Variants in OIT3 observed in about 807,000 individuals in gnomAD.
OIT3 encodes oncoprotein-induced transcript 3 protein.
Under a neutral mutation model 52.2 loss-of-function variants are expected in OIT3, and 41 were observed. That is an observed-to-expected ratio of 0.79 (90% confidence interval 0.61 to 1.02). The LOEUF is 1.02. Ranked by LOEUF, OIT3 falls within the 50% of genes least tolerant of loss-of-function variation. The pLI is 0.00. For missense variants in OIT3, 634 were observed against 715.5 expected, an observed-to-expected ratio of 0.89 and a Z score of 1.30; for synonymous variants, 244 against 276.9, an observed-to-expected ratio of 0.88 and a Z score of 1.18.
intron 6 of OIT3, among the ~76,000 whole-genome samples, chr10:72,920,511 A>G (rs1015887152): frequency 2.0e-5 from 3 of 151,892 alleles, no homozygotes; most frequent in African/African-American, 7.3e-5. Flanking sequence ...TAGTTCTTTT[A>G]GTTGTGATGT....
chr10:72,900,411 C>G lies in OIT3; in HGVS notation c.471C>G (p.Gly157=), dbSNP rs1845921776. 1.2e-6 allele frequency: 2 copies of G among 1,611,238 alleles called. No individual in the cohort carries two copies. Among genetic ancestry groups the G allele is most frequent in the Admixed American group, 1.7e-5 (1 of 59,974 alleles). The change falls in exon 3 of 9, where the codon GGC becomes GGG. Residue 157 remains glycine, a synonymous_variant. Transcript: ENST00000334011. ...FYDICDEDCH[G]SCSDTSECTC... ...ACATCTGCGACGAGGACTGCCATGG[C>G]AGCTGCTCAGATACCAGCGAGTGCA... is the stretch of plus-strand genomic sequence containing the variant.
intron 6 of OIT3, chr10:72,917,732 T>C: frequency 8.8e-7 from 1 of 1,136,014 alleles, no homozygotes; most frequent in South Asian, 1.2e-5. Flanking sequence ...TGGCTGCCAC[T>C]TTGGGAAGAG....
chr10:72,899,406 C>A (rs945751458), intron 2 of OIT3, among the ~76,000 whole-genome samples: 51 of 151,832 alleles, frequency 3.4e-4, no homozygotes, highest in Non-Finnish European at 7.2e-4. Context: ...ACCAGCCTGG[C>A]CAATATGGTG....
intron 6 of OIT3, among the ~76,000 whole-genome samples, chr10:72,920,903 G>T (rs967844619): frequency 6.6e-6 from 1 of 152,162 alleles, no homozygotes. Flanking sequence ...ATATTCTGTT[G>T]TTTTGGGGTG....
Position 72,913,420 on chromosome 10 carries a change from C to A in OIT3, c.903C>A (p.Thr301=), listed in dbSNP as rs1699515252. The A allele has an allele frequency of 1.2e-6, 2 of 1,613,320 alleles. No homozygotes were observed. Among genetic ancestry groups the A allele is most frequent in the Admixed American group, 1.7e-5 (1 of 59,974 alleles). The part of the protein sequence containing the change: ...NTSCRGVSNG[T]HVNILFSLKT... ...CCTGCCGAGGAGTGTCCAACGGCACCCATGTCAACATCCTCTTCTCTCTCA... is the reference window on the plus strand; with the variant it reads ...CCTGCCGAGGAGTGTCCAACGGCACACATGTCAACATCCTCTTCTCTCTCA... Residue 301 remains threonine, a synonymous_variant, in exon 6 of 9, where the codon ACC becomes ACA. Coordinates refer to ENST00000334011, the MANE Select transcript of OIT3 (RefSeq NM_152635.3).
intron 1 of OIT3, among the ~76,000 whole-genome samples, chr10:72,897,646 C>CTT (rs1845886050): frequency 6.6e-6 from 1 of 152,146 alleles, no homozygotes; most frequent in Non-Finnish European, 1.5e-5. Flanking sequence ...TCAAGTCAAA[C>CTT]TTTCTAATAA....
chr10:72,906,385 T>C (rs1845979013), intron 3 of OIT3, among the ~76,000 whole-genome samples: 1 of 152,130 alleles, frequency 6.6e-6, no homozygotes, highest in Non-Finnish European at 1.5e-5. Flanking sequence ...GGCAAGCAAT[T>C]AGGTACCTTC....
rs1845898377 is a variant in OIT3 at position 72,898,684 on chromosome 10, T to TA, written c.83dup (p.Tyr28Ter). The TA allele has an allele frequency of 6.2e-7, 1 of 1,612,490 alleles. No homozygotes were observed. Among genetic ancestry groups the TA allele is most frequent in the Non-Finnish European group, 8.5e-7 (1 of 1,178,782 alleles). The change falls in exon 2 of 9, where the codon TAC (tyrosine) becomes TAAC (stop). Residue 28 changes from tyrosine to a stop codon, truncating the protein, a stop_gained and frameshift_variant. Transcript: ENST00000334011. LOFTEE classifies it high-confidence loss of function. ...TCCAGCCCTAGATCCTTGTTCTGCT[T>TA]ACATCAGCCTGAATGAGCCCTGGAG... ...SPVALDPCSA[Y>*]ISLNEPWRNT...
At chr10:72,898,306 T>C (rs1297586258) in intron 1 of OIT3, among the ~76,000 whole-genome samples, 1 of 151,912 alleles carries the variant, frequency 6.6e-6, no homozygotes, top group African/African-American at 2.4e-5. Flanking sequence ...AATAATACAG[T>C]CTCCATGTAT....
chr10:72,911,593 C>G (rs1846028361), intron 4 of OIT3, 124 bp from the exon 5 acceptor site: 2 of 932,190 alleles, frequency 2.1e-6, no homozygotes, highest in Non-Finnish European at 3.2e-6. Context: ...CCCGAATGTC[C>G]AGTCACTAGG....
chr10:72,911,870 A>C lies in OIT3; in HGVS notation c.790+31A>C, dbSNP rs1846031636. 2.5e-6 allele frequency: 4 copies of C among 1,585,140 alleles called. No homozygotes were observed. In the Admixed American group the frequency reaches 5.4e-5, roughly 21 times the overall value. On this transcript the variant is annotated intron_variant, in intron 5 of 8. Coordinates refer to ENST00000334011, the MANE Select transcript of OIT3 (RefSeq NM_152635.3). ...ACATGGGGCAGGGGGACTTGTCTCT[A>C]CTCTGATTACACTTCTTCCTCTCCC...
At chr10:72,918,512 TC>T in intron 6 of OIT3, 1 of 1,411,208 alleles carries the variant, frequency 7.1e-7, no homozygotes, top group Non-Finnish European at 9.9e-7. Context: ...GAGGCTCATG[TC>T]CATGTCCATC....
chr10:72,911,730 C>A lies in OIT3; in HGVS notation c.681C>A (p.Cys227Ter), dbSNP rs1218747793. The A allele has an allele frequency of 6.2e-7, 1 of 1,613,316 alleles. No homozygotes were observed. The highest frequency in any genetic ancestry group is 8.5e-7 in the Non-Finnish European group (1 of 1,179,574). ...DGKTCEDVEG[C>*]HNNNGGCSHS... Reference sequence around the variant, plus strand: ...TTTCTACTGCAGACGTTGAAGGATGCCACAATAACAATGGTGGCTGCAGCC... The same window carrying A: ...TTTCTACTGCAGACGTTGAAGGATGACACAATAACAATGGTGGCTGCAGCC... The change falls in exon 5 of 9, where the codon TGC becomes TGA. Residue 227 changes from cysteine (C) to a stop codon, truncating the protein, a stop_gained. Transcript: ENST00000334011. LOFTEE classifies it high-confidence loss of function.
chr10:72,915,877 A>G (rs1055946102), intron 6 of OIT3, among the ~76,000 whole-genome samples: 10 of 152,250 alleles, frequency 6.6e-5, no homozygotes, highest in African/African-American at 2.2e-4. Flanking sequence ...CCTCAGAAGC[A>G]TAGTGAGTAC....
At chr10:72,920,888 A>G (rs1846115416) in intron 6 of OIT3, among the ~76,000 whole-genome samples, 1 of 152,188 alleles carries the variant, frequency 6.6e-6, no homozygotes, top group Non-Finnish European at 1.5e-5. Context: ...TGATGAGAAG[A>G]ATGTATATTC....
intron 6 of OIT3, among the ~76,000 whole-genome samples, chr10:72,916,316 C>T (rs1157697917): frequency 3.3e-5 from 5 of 152,092 alleles, no homozygotes; most frequent in Non-Finnish European, 7.4e-5. Flanking sequence ...CTGCTTCTCT[C>T]CCCCCTCCTA....
At chr10:72,930,704 C>T in intron 8 of OIT3, 67 bp downstream of exon 8, 1 of 974,240 alleles carries the variant, frequency 1.0e-6, no homozygotes, top group Non-Finnish European at 1.6e-6. Flanking sequence ...TTTGGTGTCC[C>T]AGTGTGTTGA....
At chr10:72,894,964 C>T (rs1204604599) in intron 1 of OIT3, among the ~76,000 whole-genome samples, 1 of 152,028 alleles carries the variant, frequency 6.6e-6, no homozygotes, top group East Asian at 1.9e-4. Flanking sequence ...ATGTGGGATC[C>T]TGGAACAGAA....
rs984090818 is a variant in OIT3 at position 72,933,018 on chromosome 10, G to A, written c.*494G>A. 1 of 152,420 alleles carries A rather than the reference G, an allele frequency of 6.6e-6. No individual in the cohort carries two copies. Among genetic ancestry groups the A allele is most frequent in the Non-Finnish European group, 1.5e-5 (1 of 68,286 alleles). The allele number at this position is 152,420 out of a possible 1,614,324, so 9.4% of individuals were successfully genotyped here. On this transcript the variant is annotated 3_prime_UTR_variant, in exon 9 of 9. Coordinates refer to ENST00000334011, the MANE Select transcript of OIT3 (RefSeq NM_152635.3). Reference sequence around the variant, plus strand: ...AATTTGGAAGTGTATCAATAAAACAGTATATAATTTTAAAAGTAGTATTTG... The same window carrying A: ...AATTTGGAAGTGTATCAATAAAACAATATATAATTTTAAAAGTAGTATTTG...
Sources: gnomAD v4.1 joint callset for allele counts (sites outside exome capture counted in the v4.1 genomes callset) on GRCh38, gnomAD v4.1.1 for gene constraint, MANE v1.5 for transcripts, NCBI Gene and HGNC (gene_info 2026-07-23, HGNC 2026-07-21) for gene names.